The following GTPBP6 variants were observed in gnomAD, a reference collection of about 807,000 sequenced individuals.
The protein encoded by GTPBP6 is GTP binding protein 6, also known as putative GTP-binding protein 6.
Under a neutral mutation model 28.9 loss-of-function variants are expected in GTPBP6, and 33 were observed. The observed-to-expected ratio is 1.14, with a 90% CI of 0.87 to 1.53. The LOEUF is 1.53. GTPBP6 is among the 40% of genes most tolerant of loss of function. The pLI, the probability that GTPBP6 is intolerant of heterozygous loss-of-function variation, is 0.00. For missense variants in GTPBP6, 507 were observed against 408.3 expected, an observed-to-expected ratio of 1.24 and a Z score of -2.08; for synonymous variants, 231 against 192.7, an observed-to-expected ratio of 1.20 and a Z score of -1.65.
intron 4 of GTPBP6, 121 bp from the exon 5 acceptor site, chrX:314,338 T>C: frequency 2.5e-6 from 2 of 815,640 alleles, no homozygotes; most frequent in South Asian, 1.4e-5. Context: ...GAGCCGCTGT[T>C]GCGGCCCCGC....
chrX:312,796 C>T (rs752377808), exon 6 of GTPBP6: 104 of 1,612,328 alleles, frequency 6.5e-5, no homozygotes, highest in Non-Finnish European at 7.7e-5. Context: ...ACGGAGATCA[C>T]GGGGAACTCC....
At chrX:316,146 CAGTAA>C (rs2070434359) in intron 2 of GTPBP6, among the ~76,000 whole-genome samples, 7 of 100,618 alleles carry the variant, frequency 7.0e-5, no homozygotes, top group East Asian at 3.1e-4. Flanking sequence ...CACACACACA[CAGTAA>C]ATACATCCCG....
At chrX:315,553 G>GACAC (rs1215331200) in intron 2 of GTPBP6, among the ~76,000 whole-genome samples, 12,943 of 110,176 alleles carry the variant, frequency 0.12, 1,397 homozygotes, top group South Asian at 0.25. Flanking sequence ...TACACACGCA[G>GACAC]ACACACACAC....
chrX:317,274 C>A (rs1211756523), intron 1 of GTPBP6, among the ~76,000 whole-genome samples: 1 of 152,122 alleles, frequency 6.6e-6, no homozygotes, highest in Non-Finnish European at 1.5e-5. Flanking sequence ...GCGACCCTGC[C>A]TTACATGGAA....
At chrX:311,729 G>C in intron 6 of GTPBP6, 102 bp from the exon 7 acceptor site, 2 of 961,618 alleles carry the variant, frequency 2.1e-6, no homozygotes, top group Non-Finnish European at 3.3e-6. Flanking sequence ...CCCTCTGGGG[G>C]GCCGCACCCC....
chrX:314,108 A>G (rs1159846317), intron 5 of GTPBP6, 42 bp downstream of exon 5: 3 of 1,493,322 alleles, frequency 2.0e-6, no homozygotes, highest in Non-Finnish European at 2.8e-6. Context: ...TGACAACCGC[A>G]TTCCGAGGAC....
rs758224606 is a variant in GTPBP6, at chrX:312,601, T to C, written c.916+165A>G. ...CTGGGTGAGCTCTCACAGCAGCTGG[T>C]GTACCCCACACGGCGACCATGGGAA... On this transcript the variant is annotated intron_variant, in intron 6 of 9. Transcript: ENST00000326153. The C allele has an allele frequency of 1.8e-4, 135 of 754,110 alleles. No individual in the cohort carries two copies. In the African/African-American group the frequency reaches 2.0e-3, roughly 11 times the overall value. 46.7% of individuals were successfully genotyped at this position (754,110 alleles called of 1,614,324 possible). A position where few individuals can be genotyped will look rare whatever the true frequency, so the allele number is the denominator to read the frequency against.
At position 314,687 on chromosome X, in the gene GTPBP6, A is replaced by G. The variant is rs1410883818; in HGVS notation, c.689+203T>C. 3.9e-5 allele frequency among the ~76,000 whole-genome samples: 6 copies of G among 151,902 alleles called. No homozygotes were observed. The East Asian group carries it at 5.8e-4, about 15-fold the overall frequency. On this transcript the variant is annotated intron_variant, in intron 4 of 9. Coordinates refer to ENST00000326153, the Ensembl canonical transcript of GTPBP6. ...CAGACGGGGTTTCACCGTGTTGGCCAGGATGGTCTCGATCTCGTGACCTCG... is the reference window on the plus strand; with the variant it reads ...CAGACGGGGTTTCACCGTGTTGGCCGGGATGGTCTCGATCTCGTGACCTCG...
intron 9 of GTPBP6, 77 bp from the exon 10 acceptor site, chrX:305,274 C>T: frequency 8.9e-7 from 1 of 1,123,992 alleles, no homozygotes; most frequent in Non-Finnish European, 1.4e-6. Context: ...AATAATTACG[C>T]TAAAAAGAGC....
At chrX:314,367 A>G (rs748012184) in intron 4 of GTPBP6, 150 bp from the exon 5 acceptor site, 5 of 710,718 alleles carry the variant, frequency 7.0e-6, no homozygotes, top group African/African-American at 3.5e-5. Flanking sequence ...TAGCTCACAC[A>G]CTGTGAGTGA....
chrX:315,622 C>CAGACAGACACACAGAGACACACACA (rs2070418928), intron 2 of GTPBP6, among the ~76,000 whole-genome samples: 2 of 23,394 alleles, frequency 8.5e-5, no homozygotes, highest in East Asian at 1.4e-3. Flanking sequence ...CACAGACACA[C>CAGACAGACACACAGAGACACACACA]AGACAGACAC....
intron 7 of GTPBP6, among the ~76,000 whole-genome samples, 196 bp from the exon 8 acceptor site, chrX:308,076 G>T (rs2070210880): frequency 6.6e-6 from 1 of 152,074 alleles, no homozygotes; most frequent in Non-Finnish European, 1.5e-5. Flanking sequence ...CCACCCGGCT[G>T]CACTTACCCA....
intron 2 of GTPBP6, among the ~76,000 whole-genome samples, chrX:316,551 C>T (rs7200920): frequency 0.69 from 104,217 of 151,930 alleles, 35,965 homozygotes; most frequent in Non-Finnish European, 0.73. Context: ...GGACCCCACC[C>T]TAAGAGACTG....
intron 1 of GTPBP6, among the ~76,000 whole-genome samples, chrX:317,519 G>C (rs1311748551): frequency 1.5e-5 from 2 of 136,160 alleles, no homozygotes; most frequent in African/African-American, 5.5e-5. Context: ...ATGAGACTCT[G>C]ACACGTGCAG....
chrX:304,771 T>G (rs2070117415), exon 10 of GTPBP6: 3 of 1,271,040 alleles, frequency 2.4e-6, no homozygotes, highest in Non-Finnish European at 3.0e-6. Context: ...AAATCAAAGG[T>G]TTAATGTCCT....
intron 1 of GTPBP6, 115 bp downstream of exon 1, chrX:318,324 G>T (rs1485636735): frequency 2.6e-6 from 1 of 389,592 alleles, no homozygotes. Context: ...CCACCTATGA[G>T]ATCGTCCCTT....
chrX:314,241 C>T (rs375175035), intron 4 of GTPBP6, 24 bp from the exon 5 acceptor site: 134 of 1,593,680 alleles, frequency 8.4e-5, no homozygotes, highest in East Asian at 4.7e-4. Context: ...GGGAGTGGCT[C>T]GGTCTCTGCG....
chrX:317,279 A>G (rs1214660165), intron 1 of GTPBP6, among the ~76,000 whole-genome samples: 3 of 152,012 alleles, frequency 2.0e-5, no homozygotes, highest in Non-Finnish European at 4.4e-5. Context: ...CCTGCCTTAC[A>G]TGGAATTTGG....
intron 6 of GTPBP6, chrX:312,076 G>C (rs2070313257): frequency 8.8e-6 from 4 of 453,334 alleles, no homozygotes; most frequent in African/African-American, 7.9e-5. Flanking sequence ...AGACAGAGGA[G>C]AGGCGATGGT....
Sources: allele counts gnomAD v4.1 joint callset (sites outside exome capture counted in the v4.1 genomes callset), GRCh38; gene constraint gnomAD v4.1.1; transcripts MANE v1.5; gene names NCBI Gene and HGNC (gene_info 2026-07-23, HGNC 2026-07-21).